SPEF2: variants seen among roughly 807,000 people sequenced by gnomAD.
SPEF2 encodes sperm flagella and cilia-associated protein 2.
SPEF2 carries 187 observed loss-of-function variants against 224.6 expected under a neutral mutation model. That is an observed-to-expected ratio of 0.83 (90% CI 0.74 to 0.94). SPEF2 has a LOEUF of 0.94. Ranked by LOEUF, SPEF2 falls within the 40% of genes least tolerant of loss-of-function variation. The pLI, the probability that SPEF2 is intolerant of heterozygous loss-of-function variation, is 0.00. For missense variants in SPEF2, 2,170 were observed against 2,135.6 expected, an observed-to-expected ratio of 1.02 and a Z score of -0.32; for synonymous variants, 715 against 707.3, an observed-to-expected ratio of 1.01 and a Z score of -0.17.
rs1580477947 is a variant in SPEF2 at position 35,729,435 on chromosome 5, A to G, written c.3063+1612A>G. 2.6e-5 allele frequency among the ~76,000 whole-genome samples: 4 copies of G among 152,306 alleles called. 1 individual carries two copies. The highest frequency in any genetic ancestry group is 2.6e-4 in the Admixed American group (4 of 15,296). On this transcript the variant is annotated intron_variant, in intron 21 of 36. Coordinates refer to ENST00000356031, the MANE Select transcript of SPEF2 (RefSeq NM_024867.4). ...GGAGCAGAAAAATACTCTGGCCAAG[A>G]AGATGGAGGGCGAGGGAGTTTCCTG...
intron 10 of SPEF2, among the ~76,000 whole-genome samples, chr5:35,686,383 G>T (rs1753626233): frequency 6.6e-6 from 1 of 151,816 alleles, no homozygotes; most frequent in Admixed American, 6.6e-5. Flanking sequence ...TAATATCTAG[G>T]TAATGAAATT....
intron 30 of SPEF2, chr5:35,788,071 G>C (rs923146353): frequency 1.4e-6 from 1 of 702,934 alleles, no homozygotes; most frequent in Non-Finnish European, 2.6e-6. Flanking sequence ...GAAGTCAAGT[G>C]AATTTTTTTT....
intron 34 of SPEF2, 98 bp from the exon 35 acceptor site, chr5:35,806,609 T>A (rs1185047264): frequency 2.1e-6 from 3 of 1,448,764 alleles, no homozygotes; most frequent in Non-Finnish European, 2.8e-6. Context: ...CTGTCATTCA[T>A]GAAAAGTGTG....
At chr5:35,745,580 C>T (rs1466787813) in intron 23 of SPEF2, among the ~76,000 whole-genome samples, 1 of 151,542 alleles carries the variant, frequency 6.6e-6, no homozygotes, top group African/African-American at 2.4e-5. Flanking sequence ...ACCTACATGA[C>T]TCAGCAGAGG....
chr5:35,643,628 G>C (rs1431649247), intron 3 of SPEF2: 4 of 445,954 alleles, frequency 9.0e-6, no homozygotes, highest in African/African-American at 8.0e-5. Context: ...AATGGTTCAT[G>C]TGGAAGAGGT....
At position 35,800,244 on chromosome 5, in the gene SPEF2, A is replaced by T. The variant is rs77984027; in HGVS notation, c.5010+97A>T. 2.6e-4 allele frequency: 344 copies of T among 1,334,036 alleles called. 2 individuals are homozygous for T. In the East Asian group the frequency reaches 7.6e-3, roughly 29 times the overall value. The allele number at this position is 1,334,036 out of a possible 1,614,324, so 82.6% of individuals were successfully genotyped here. On this transcript the variant is annotated intron_variant, in intron 34 of 36. Coordinates refer to ENST00000356031, the MANE Select transcript of SPEF2 (RefSeq NM_024867.4). Reference sequence around the variant, plus strand: ...AGGACTCTATTATTTTCATCTCCGTATTTTCCTAGGTGTGTAATATGATGC... The same window carrying T: ...AGGACTCTATTATTTTCATCTCCGTTTTTTCCTAGGTGTGTAATATGATGC...
intron 26 of SPEF2, 123 bp downstream of exon 26, chr5:35,763,825 G>C (rs114776524): frequency 0.023 from 19,198 of 843,812 alleles, 442 homozygotes; most frequent in Middle Eastern, 0.086. Context: ...TTGTACCTTC[G>C]AAACATTTTT....
At chr5:35,706,681 C>T (rs1293093043) in intron 18 of SPEF2, among the ~76,000 whole-genome samples, 1 of 152,106 alleles carries the variant, frequency 6.6e-6, no homozygotes, top group Non-Finnish European at 1.5e-5. Flanking sequence ...TGTGACCTAA[C>T]TCCCATAATG....
chr5:35,780,917 A>G (rs1754255951), intron 30 of SPEF2, among the ~76,000 whole-genome samples: 2 of 152,206 alleles, frequency 1.3e-5, no homozygotes. Flanking sequence ...GATGCTAATC[A>G]TAATACTTTC....
chr5:35,800,264 T>A (rs1429508728), intron 34 of SPEF2, 117 bp downstream of exon 34: 1 of 1,156,010 alleles, frequency 8.7e-7, no homozygotes, highest in Non-Finnish European at 1.2e-6. Context: ...GTGTGTAATA[T>A]GATGCTTTAC....
At chr5:35,646,877 T>G (rs1157926269) in intron 5 of SPEF2, 70 bp downstream of exon 5, 1 of 1,505,510 alleles carries the variant, frequency 6.6e-7, no homozygotes, top group African/African-American at 1.4e-5. Flanking sequence ...CTGGAACATA[T>G]AGAGAGACTT....
chr5:35,795,902 A>G (rs893107057), intron 33 of SPEF2, 107 bp downstream of exon 33: 3 of 922,954 alleles, frequency 3.3e-6, no homozygotes, highest in Admixed American at 2.1e-5. Flanking sequence ...CTGCCCCTCA[A>G]TTCCTCTGCT....
At chr5:35,733,434 A>C (rs182781499) in intron 21 of SPEF2, among the ~76,000 whole-genome samples, 15 of 152,338 alleles carry the variant, frequency 9.8e-5, no homozygotes, top group Non-Finnish European at 2.1e-4. Context: ...GTAAACTGTC[A>C]TAACAACTTA....
intron 24 of SPEF2, among the ~76,000 whole-genome samples, chr5:35,758,452 C>CA: frequency 6.6e-6 from 1 of 152,140 alleles, no homozygotes; most frequent in Non-Finnish European, 1.5e-5. Context: ...GTGTTGTTGG[C>CA]ACTGTGTGAA....
Position 35,667,214 on chromosome 5 carries a change from T to A in SPEF2, c.1310T>A (p.Val437Asp). The change falls in exon 9 of 37, where the codon GTT becomes GAT. Residue 437 changes from valine (V) to aspartate (D), a missense_variant. By Grantham distance (152) the Val-to-Asp change is radical. Coordinates refer to ENST00000356031, the MANE Select transcript of SPEF2 (RefSeq NM_024867.4). ...SVCAEILDQI[V>D]DLSTKVADYR... ...TGTGCAGAAATTTTGGATCAAATAGTTGATTTGTCCACTAAAGTGGCAGAC... is the reference window on the plus strand; with the variant it reads ...TGTGCAGAAATTTTGGATCAAATAGATGATTTGTCCACTAAAGTGGCAGAC... 1 of 1,608,160 alleles carries A rather than the reference T, an allele frequency of 6.2e-7. No individual in the cohort carries two copies. Among genetic ancestry groups the A allele is most frequent in the Non-Finnish European group, 8.5e-7 (1 of 1,176,582 alleles).
chr5:35,788,905 C>T, intron 30 of SPEF2: 1 of 703,004 alleles, frequency 1.4e-6, no homozygotes, highest in Non-Finnish European at 2.6e-6. Flanking sequence ...GAACTGCTTT[C>T]AAAGGCCTTC....
chr5:35,703,821 G>T (rs1708618621), intron 16 of SPEF2, among the ~76,000 whole-genome samples: 2 of 152,186 alleles, frequency 1.3e-5, no homozygotes, highest in South Asian at 4.1e-4. Flanking sequence ...TATGAATGGA[G>T]ATGAAGAACA....
Position 35,771,846 on chromosome 5 carries a change from T to C in SPEF2, c.3949+90T>C, listed in dbSNP as rs866890533. 2.1e-6 allele frequency: 3 copies of C among 1,443,952 alleles called. No homozygotes were observed. The African/African-American group carries it at 4.3e-5, about 21-fold the overall frequency. The allele number at this position is 1,443,952 out of a possible 1,614,324, so 89.4% of individuals were successfully genotyped here. A position where few individuals can be genotyped will look rare whatever the true frequency, so the allele number is the denominator to read the frequency against. ...TTTAACTGGACACATTATTAGCCTC[T>C]AAGCCACTAAAATACTACTCATTAG... On this transcript the variant is annotated intron_variant, in intron 27 of 36. Coordinates refer to ENST00000356031, the MANE Select transcript of SPEF2 (RefSeq NM_024867.4).
chr5:35,664,110 C>G (rs1377334021), intron 8 of SPEF2, among the ~76,000 whole-genome samples: 1 of 152,024 alleles, frequency 6.6e-6, no homozygotes, highest in Non-Finnish European at 1.5e-5. Flanking sequence ...ATGCATATGC[C>G]CCTTCTTGTC....
Sources: allele counts gnomAD v4.1 joint callset (sites outside exome capture counted in the v4.1 genomes callset), GRCh38; gene constraint gnomAD v4.1.1; transcripts MANE v1.5; gene names NCBI Gene and HGNC (gene_info 2026-07-23, HGNC 2026-07-21).